NOTCH2: variants seen among roughly 807,000 people sequenced by gnomAD.
NOTCH2 encodes the protein notch receptor 2.
A neutral mutation model predicts 235.8 loss-of-function variants in NOTCH2; 29 were observed. The ratio of observed to expected loss-of-function variants is 0.12; its 90% CI spans 0.09 to 0.17. NOTCH2 has a LOEUF of 0.17. NOTCH2 is among the 10% of genes least tolerant of loss of function. NOTCH2 has a pLI of 1.00. For missense variants in NOTCH2, 2,285 were observed against 3,150.2 expected, an observed-to-expected ratio of 0.73 and a Z score of 6.57; for synonymous variants, 1,086 against 1,141.5, an observed-to-expected ratio of 0.95 and a Z score of 0.98.
intron 17 of NOTCH2, among the ~76,000 whole-genome samples, chr1:119,945,718 G>A (rs1650229787): frequency 6.6e-6 from 1 of 151,932 alleles, no homozygotes; most frequent in Non-Finnish European, 1.5e-5. Flanking sequence ...AATTCATTAA[G>A]CCAAAACAAA....
chr1:120,028,385 G>A (rs1553210378), intron 2 of NOTCH2, among the ~76,000 whole-genome samples: 2 of 150,330 alleles, frequency 1.3e-5, no homozygotes, highest in East Asian at 3.9e-4. Flanking sequence ...AAGGTATTAA[G>A]TTCCCTCCCT....
In NOTCH2 at chr1:119,976,371, T is replaced by G. The variant is rs587752196; in HGVS notation, c.875-6627A>C. ...GAACAAGCTTGAGTGTCCCATCACC[T>G]GCTCGGAATAAAGTTGGGTGAAACA... On this transcript the variant is annotated intron_variant, in intron 5 of 33. Transcript: ENST00000256646. The G allele has an allele frequency of 7.5e-4, 113 of 150,748 alleles. 2 individuals carry two copies. Among genetic ancestry groups the G allele is most frequent in the African/African-American group, 2.5e-3 (102 of 40,350 alleles). The allele number at this position is 150,748 out of a possible 1,614,324, so 9.3% of individuals were successfully genotyped here. A position where few individuals can be genotyped will look rare whatever the true frequency, so the allele number is the denominator to read the frequency against.
intron 17 of NOTCH2, 152 bp downstream of exon 17, chr1:119,948,262 A>G (rs1650332012): frequency 1.4e-5 from 11 of 770,158 alleles, no homozygotes; most frequent in Middle Eastern, 3.6e-4. Context: ...GCTTCAAAAG[A>G]AAGAGTTAAA....
chr1:120,023,181 T>C (rs1553209345), intron 2 of NOTCH2, among the ~76,000 whole-genome samples: 1 of 151,922 alleles, frequency 6.6e-6, no homozygotes, highest in African/African-American at 2.4e-5. Flanking sequence ...CTCACGCCTG[T>C]AATCCCAGCA....
intron 2 of NOTCH2, among the ~76,000 whole-genome samples, chr1:120,015,191 G>A (rs1263048349): frequency 6.6e-6 from 1 of 152,170 alleles, no homozygotes; most frequent in African/African-American, 2.4e-5. Context: ...GGTTGCGTCG[G>A]CACTGCAGCT....
intron 11 of NOTCH2, among the ~76,000 whole-genome samples, chr1:119,961,192 T>A (rs1431568553): frequency 6.6e-6 from 1 of 152,150 alleles, no homozygotes; most frequent in Non-Finnish European, 1.5e-5. Context: ...CTCCACAGCA[T>A]CCTCTTTCCA....
At chr1:120,023,470 T>A (rs1553209389) in intron 2 of NOTCH2, among the ~76,000 whole-genome samples, 1 of 134,676 alleles carries the variant, frequency 7.4e-6, no homozygotes, top group Admixed American at 7.3e-5. Context: ...TATGTCCTCT[T>A]CATGTCACCA....
intron 5 of NOTCH2, among the ~76,000 whole-genome samples, chr1:119,985,589 A>C (rs1651986963): frequency 6.6e-6 from 1 of 152,192 alleles, no homozygotes; most frequent in South Asian, 2.1e-4. Flanking sequence ...CTACACAGTT[A>C]CTGTCTCACA....
chr1:119,969,753 G>T lies in NOTCH2; in HGVS notation c.875-9C>A. The T allele has an allele frequency of 6.2e-7, 1 of 1,612,772 alleles. No individual in the cohort carries two copies. The highest frequency in any genetic ancestry group is 1.1e-5 in the South Asian group (1 of 91,024). ...CTCTGTGCAGAACTGTCCTTTTAGG[G>T]GGAAATTACTTTTGATTAGGGCTCT... On this transcript the variant is annotated splice_polypyrimidine_tract_variant and intron_variant, in intron 5 of 33. Coordinates refer to ENST00000256646, the MANE Select transcript of NOTCH2 (RefSeq NM_024408.4).
chr1:119,930,572 A>G (rs1649618391), intron 22 of NOTCH2, among the ~76,000 whole-genome samples: 1 of 151,480 alleles, frequency 6.6e-6, no homozygotes, highest in Non-Finnish European at 1.5e-5. Flanking sequence ...TGAGGTCAGG[A>G]GTTCAAGACC....
chr1:119,927,262 G>A (rs1266305425), intron 23 of NOTCH2, among the ~76,000 whole-genome samples: 1 of 152,168 alleles, frequency 6.6e-6, no homozygotes, highest in African/African-American at 2.4e-5. Flanking sequence ...TGGGACTCCT[G>A]GCCAACAGCA....
rs376322647 is a variant in NOTCH2, at chr1:119,925,655, G to T, written c.4161C>A (p.Gly1387=). 1 of 1,612,718 alleles carries T rather than the reference G, an allele frequency of 6.2e-7. No individual in the cohort carries two copies. Among genetic ancestry groups the T allele is most frequent in the Non-Finnish European group, 8.5e-7 (1 of 1,178,880 alleles). Residue 1387 remains glycine (G), a synonymous_variant, in exon 25 of 34, where the codon GGC becomes GGA. Coordinates refer to ENST00000256646, the MANE Select transcript of NOTCH2 (RefSeq NM_024408.4). Reference sequence around the variant, plus strand: ...GAGGCTGGCGCTGAGGGTGGCAGCTGCCCCCGTGCTGGCAGGGGCTACTGG... The same window carrying T: ...GAGGCTGGCGCTGAGGGTGGCAGCTTCCCCCGTGCTGGCAGGGGCTACTGG... ...GCASSPCQHG[G]SCHPQRQPPY...
chr1:119,935,599 G>A lies in NOTCH2; in HGVS notation c.3528C>T (p.Val1176=), dbSNP rs1553195643. ...CACAGTTGACACCCTGATAGCCTGG[G>A]ACACACTGCCATGAGGAAACAAAAA... The part of the protein sequence containing the change: ...DFIGGYRCEC[V]PGYQGVNCEY... The change falls in exon 22 of 34, where the codon GTC becomes GTT. Residue 1176 remains valine, a synonymous_variant. Coordinates refer to ENST00000256646, the MANE Select transcript of NOTCH2 (RefSeq NM_024408.4). 9 of 1,614,122 alleles carry A rather than the reference G, an allele frequency of 5.6e-6. No homozygotes were observed. Among genetic ancestry groups the A allele is most frequent in the Non-Finnish European group, 7.6e-6 (9 of 1,180,036 alleles).
intron 2 of NOTCH2, among the ~76,000 whole-genome samples, chr1:120,009,609 G>A (rs1381019788): frequency 6.6e-6 from 1 of 151,872 alleles, no homozygotes; most frequent in Non-Finnish European, 1.5e-5. Context: ...TCTAATTATT[G>A]CTTAGAAACT....
chr1:119,935,254 CCAAA>C (rs1408914061), intron 22 of NOTCH2: 3 of 1,453,150 alleles, frequency 2.1e-6, no homozygotes, highest in Non-Finnish European at 2.7e-6. Flanking sequence ...TATCAAGATG[CCAAA>C]CAACCAGATA....
chr1:119,996,921 A>T (rs1553204261), intron 4 of NOTCH2, 76 bp downstream of exon 4: 3 of 1,553,628 alleles, frequency 1.9e-6, no homozygotes, highest in South Asian at 1.1e-5. Flanking sequence ...TCCTAAAAAC[A>T]GCAATTGAGC....
chr1:120,031,165 TCCCTG>T (rs1553210941), intron 1 of NOTCH2, among the ~76,000 whole-genome samples: 15 of 147,992 alleles, frequency 1.0e-4, no homozygotes, highest in African/African-American at 3.7e-4. Flanking sequence ...GGCCTGGCCA[TCCCTG>T]GCCACGAAAC....
chr1:120,067,145 G>A (rs1333304226), intron 1 of NOTCH2, among the ~76,000 whole-genome samples: 2 of 152,106 alleles, frequency 1.3e-5, no homozygotes, highest in African/African-American at 4.8e-5. Context: ...AGGGTGTGCT[G>A]CAACTGGTAC....
intron 5 of NOTCH2, among the ~76,000 whole-genome samples, chr1:119,981,870 G>C (rs141436282): frequency 4.5e-4 from 69 of 152,010 alleles, no homozygotes; most frequent in Non-Finnish European, 2.2e-4. Flanking sequence ...ATATAAAAGA[G>C]AGCAGCTTTG....
Sources: allele counts gnomAD v4.1 joint callset (sites outside exome capture counted in the v4.1 genomes callset), GRCh38; gene constraint gnomAD v4.1.1; transcripts MANE v1.5; gene names NCBI Gene and HGNC (gene_info 2026-07-23, HGNC 2026-07-21).